TRIQK: variants seen among roughly 807,000 people sequenced by gnomAD.
The protein encoded by TRIQK is triple QxxK/R motif containing.
TRIQK carries 10 observed loss-of-function variants against 10.8 expected under a neutral mutation model. The observed-to-expected ratio is 0.92, with a 90% confidence interval of 0.57 to 1.57. The LOEUF is 1.57. Ranked by LOEUF, TRIQK falls within the 40% of genes most tolerant of loss-of-function variation. The probability of loss-of-function intolerance (pLI) is 0.00; values close to 1 mark genes in which losing one functional copy is unlikely to be tolerated. For missense variants in TRIQK, 107 were observed against 97.7 expected, an observed-to-expected ratio of 1.09 and a Z score of -0.40; for synonymous variants, 33 against 33.7, an observed-to-expected ratio of 0.98 and a Z score of 0.07.
chr8:92,907,116 T>G (rs1166368231), intron 3 of TRIQK, among the ~76,000 whole-genome samples: 1 of 152,068 alleles, frequency 6.6e-6, no homozygotes, highest in Non-Finnish European at 1.5e-5. Context: ...AAGGAAAAAT[T>G]TTTGTAGGGA....
chr8:92,965,017 G>A (rs1208202993), intron 1 of TRIQK: 2 of 152,070 alleles, frequency 1.3e-5, no homozygotes, highest in Non-Finnish European at 2.9e-5. Flanking sequence ...AATGTTTGTT[G>A]TGCTGAATCA....
intron 3 of TRIQK, among the ~76,000 whole-genome samples, chr8:92,909,739 T>C (rs1423634072): frequency 1.3e-5 from 2 of 151,704 alleles, no homozygotes; most frequent in African/African-American, 4.8e-5. Flanking sequence ...CAAAAATTTA[T>C]ACATGGAGGA....
intron 1 of TRIQK, among the ~76,000 whole-genome samples, chr8:92,976,597 C>T (rs1166940926): frequency 6.6e-6 from 1 of 151,908 alleles, no homozygotes; most frequent in East Asian, 1.9e-4. Context: ...TTGACTACAT[C>T]TGCCTTGTAA....
At chr8:92,964,192 G>A (rs1008490894) in intron 1 of TRIQK, among the ~76,000 whole-genome samples, 4 of 152,148 alleles carry the variant, frequency 2.6e-5, no homozygotes, top group Admixed American at 2.6e-4. Context: ...TGGAAGAAAG[G>A]CAAAAGCCCC....
chr8:92,968,897 T>C (rs1311837951), upstream of TRIQK, among the ~76,000 whole-genome samples: 1 of 152,224 alleles, frequency 6.6e-6, no homozygotes, highest in Non-Finnish European at 1.5e-5. Context: ...CCGAATGATA[T>C]TGCCTAGGTT....
At chr8:92,949,613 A>G (rs539448737) in intron 2 of TRIQK, among the ~76,000 whole-genome samples, 34 of 146,054 alleles carry the variant, frequency 2.3e-4, no homozygotes, top group African/African-American at 8.2e-4. Flanking sequence ...AAGAGAAAGG[A>G]AGGGAGGGAG....
At chr8:93,014,032 G>A (rs1027648846) in intron 1 of TRIQK, among the ~76,000 whole-genome samples, 1 of 152,044 alleles carries the variant, frequency 6.6e-6, no homozygotes, top group Non-Finnish European at 1.5e-5. Context: ...ACTGTTTCAC[G>A]AGTAGTCTAT....
At chr8:92,939,574 A>G (rs1811167370) in intron 2 of TRIQK, among the ~76,000 whole-genome samples, 1 of 151,820 alleles carries the variant, frequency 6.6e-6, no homozygotes, top group South Asian at 2.1e-4. Flanking sequence ...TCACCCTACA[A>G]CCTCCCCAGG....
intron 3 of TRIQK, among the ~76,000 whole-genome samples, chr8:92,904,421 T>G (rs72677459): frequency 0.039 from 5,977 of 152,304 alleles, 144 homozygotes; most frequent in South Asian, 0.054. Context: ...GCAGTCACAC[T>G]GATTATTTTC....
At chr8:92,914,138 C>T (rs1488894891) in intron 3 of TRIQK, among the ~76,000 whole-genome samples, 1 of 152,036 alleles carries the variant, frequency 6.6e-6, no homozygotes, top group Non-Finnish European at 1.5e-5. Context: ...AATTCAGCAC[C>T]ATTTCATGAT....
intron 1 of TRIQK, among the ~76,000 whole-genome samples, chr8:92,961,228 T>C (rs1812440033): frequency 6.6e-6 from 1 of 152,204 alleles, no homozygotes; most frequent in African/African-American, 2.4e-5. Flanking sequence ...AAAAACTGTA[T>C]AGATAATTTC....
chr8:92,952,594 T>A (rs1384844937), intron 2 of TRIQK, among the ~76,000 whole-genome samples: 3 of 151,628 alleles, frequency 2.0e-5, no homozygotes, highest in Admixed American at 1.3e-4. Flanking sequence ...AAACCATAAA[T>A]CCAAGAAGCT....
intron 3 of TRIQK, among the ~76,000 whole-genome samples, chr8:92,904,164 G>A (rs1448726264): frequency 6.6e-6 from 1 of 152,056 alleles, no homozygotes; most frequent in African/African-American, 2.4e-5. Flanking sequence ...ATTCCTAATG[G>A]CAGACTCAGT....
intron 1 of TRIQK, among the ~76,000 whole-genome samples, chr8:92,977,035 A>G (rs571706168): frequency 2.0e-5 from 3 of 152,112 alleles, no homozygotes; most frequent in South Asian, 4.1e-4. Context: ...TTAAAATGTG[A>G]AAAAATGTAT....
intron 1 of TRIQK, among the ~76,000 whole-genome samples, chr8:92,976,077 A>G (rs977328700): frequency 6.6e-6 from 1 of 151,920 alleles, no homozygotes; most frequent in Non-Finnish European, 1.5e-5. Context: ...ATTTTATTAT[A>G]TAGGTTTTCT....
chr8:92,899,844 G>T (rs1216275937), intron 3 of TRIQK, among the ~76,000 whole-genome samples: 1 of 152,094 alleles, frequency 6.6e-6, no homozygotes, highest in Non-Finnish European at 1.5e-5. Flanking sequence ...TTCAATAGTG[G>T]TTGTACTAAT....
At chr8:92,981,453 T>C (rs1446921144) in intron 1 of TRIQK, among the ~76,000 whole-genome samples, 1 of 151,936 alleles carries the variant, frequency 6.6e-6, no homozygotes, top group Non-Finnish European at 1.5e-5. Context: ...AAATCAATAG[T>C]TTCTAATAGT....
At chr8:93,015,035 C>T (rs1045804436) in intron 1 of TRIQK, among the ~76,000 whole-genome samples, 2 of 151,952 alleles carry the variant, frequency 1.3e-5, no homozygotes, top group African/African-American at 4.8e-5. Context: ...GATATATAAA[C>T]ATTAACTGTA....
At chr8:92,979,766 GTGAAAAAGCT>G (rs1812967682) in intron 1 of TRIQK, among the ~76,000 whole-genome samples, 1 of 151,928 alleles carries the variant, frequency 6.6e-6, no homozygotes. Flanking sequence ...TCCCTCATTT[GTGAAAAAGCT>G]TGCATATTCA....
Sources: gnomAD v4.1 joint callset for allele counts (sites outside exome capture counted in the v4.1 genomes callset) on GRCh38, gnomAD v4.1.1 for gene constraint, MANE v1.5 for transcripts, NCBI Gene and HGNC (gene_info 2026-07-23, HGNC 2026-07-21) for gene names.